IQGAP1: variants seen among roughly 807,000 people sequenced by gnomAD.
IQGAP1 encodes the protein ras GTPase-activating-like protein IQGAP1.
IQGAP1 carries 66 observed loss-of-function variants against 215.6 expected under a neutral mutation model. That is an observed-to-expected ratio of 0.31 (90% CI 0.25 to 0.38). The LOEUF is 0.38. Ranked by LOEUF, IQGAP1 falls within the 10% of genes least tolerant of loss-of-function variation. IQGAP1 has a pLI of 1.00. For synonymous variants in IQGAP1, 772 were observed against 728.7 expected (o/e 1.06, Z -0.96); for missense variants, 1,712 against 1,997.1 (o/e 0.86, Z 2.72).
At chr15:90,418,884 C>G (rs80156546) in intron 2 of IQGAP1, among the ~76,000 whole-genome samples, 69 of 151,746 alleles carry the variant, frequency 4.5e-4, no homozygotes, top group African/African-American at 1.6e-3. Context: ...TCGTGGCTCA[C>G]GCCTGTAATC....
intron 1 of IQGAP1, among the ~76,000 whole-genome samples, chr15:90,390,336 C>G (rs374271985): frequency 3.2e-4 from 48 of 152,190 alleles, no homozygotes; most frequent in African/African-American, 1.2e-3. Flanking sequence ...GAGTGATAAT[C>G]ACAGGATTGT....
At chr15:90,434,920 G>A (rs1184415553) in intron 5 of IQGAP1, among the ~76,000 whole-genome samples, 1 of 152,208 alleles carries the variant, frequency 6.6e-6, no homozygotes, top group Non-Finnish European at 1.5e-5. Context: ...TAAAGAAGAA[G>A]ATGGCAGAGC....
At chr15:90,396,900 T>G (rs1964728988) in intron 2 of IQGAP1, among the ~76,000 whole-genome samples, 1 of 152,052 alleles carries the variant, frequency 6.6e-6, no homozygotes, top group South Asian at 2.1e-4. Flanking sequence ...TTGCCCAGGC[T>G]GGAGTGCAGT....
chr15:90,464,968 CTT>C (rs1965810970), intron 15 of IQGAP1, among the ~76,000 whole-genome samples: 1 of 152,144 alleles, frequency 6.6e-6, no homozygotes, highest in Admixed American at 6.5e-5. Context: ...AGAAACTTGT[CTT>C]AACGAATTTA....
At chr15:90,465,960 T>G (rs2074583) in intron 15 of IQGAP1, 41 bp from the exon 16 acceptor site, 1 of 1,492,148 alleles carries the variant, frequency 6.7e-7, no homozygotes, top group African/African-American at 1.4e-5. Flanking sequence ...ACATGTACCC[T>G]GATTTCATGA....
At chr15:90,420,664 A>G (rs577645470) in intron 2 of IQGAP1, among the ~76,000 whole-genome samples, 1 of 152,286 alleles carries the variant, frequency 6.6e-6, no homozygotes, top group South Asian at 2.1e-4. Flanking sequence ...TATTGCTAGG[A>G]CAGGGTTAAA....
At chr15:90,442,505 T>G (rs1965465936) in intron 8 of IQGAP1, among the ~76,000 whole-genome samples, 1 of 152,194 alleles carries the variant, frequency 6.6e-6, no homozygotes, top group East Asian at 1.9e-4. Context: ...TAGTGGTTGA[T>G]GACAAAACGA....
At chr15:90,484,666 G>C (rs766392259) in intron 30 of IQGAP1, among the ~76,000 whole-genome samples, 67 of 152,122 alleles carry the variant, frequency 4.4e-4, no homozygotes, top group East Asian at 4.1e-3. Context: ...CCGCCACCGT[G>C]CCTGGCTAAA....
chr15:90,483,144 C>G (rs1213434343), intron 28 of IQGAP1: 1 of 501,528 alleles, frequency 2.0e-6, no homozygotes, highest in African/African-American at 1.9e-5. Flanking sequence ...CAGTTCTGTT[C>G]TCATTGTTTT....
intron 2 of IQGAP1, among the ~76,000 whole-genome samples, chr15:90,411,716 A>G (rs762096438): frequency 2.6e-5 from 4 of 152,202 alleles, no homozygotes; most frequent in Non-Finnish European, 5.9e-5. Context: ...GCTATCATCT[A>G]GATTTAACTC....
chr15:90,435,035 G>A (rs543151007), intron 5 of IQGAP1, among the ~76,000 whole-genome samples: 11 of 152,276 alleles, frequency 7.2e-5, no homozygotes, highest in Admixed American at 3.9e-4. Flanking sequence ...ATATAATACT[G>A]ATCTATAAGA....
intron 2 of IQGAP1, chr15:90,393,646 T>C (rs2601193): frequency 0.39 from 59,190 of 151,590 alleles, 13,402 homozygotes; most frequent in African/African-American, 0.61. Context: ...ATGACCTCAG[T>C]AGAATGTTAC....
At chr15:90,473,624 A>T in intron 19 of IQGAP1, 91 bp from the exon 20 acceptor site, 1 of 871,792 alleles carries the variant, frequency 1.1e-6, no homozygotes, top group Non-Finnish European at 1.8e-6. Flanking sequence ...ATGAAATTGC[A>T]CTTGGATCAT....
chr15:90,439,248 A>T, intron 5 of IQGAP1, 84 bp from the exon 6 acceptor site: 1 of 919,554 alleles, frequency 1.1e-6, no homozygotes, highest in Non-Finnish European at 1.8e-6. Context: ...CTTCTATTTT[A>T]TACTTCATGC....
intron 28 of IQGAP1, 28 bp from the exon 29 acceptor site, chr15:90,483,333 A>G: frequency 6.6e-7 from 1 of 1,520,602 alleles, no homozygotes; most frequent in Non-Finnish European, 9.1e-7. Context: ...GTCTTTTAAT[A>G]CCCATCTTTC....
intron 15 of IQGAP1, among the ~76,000 whole-genome samples, chr15:90,464,296 C>A (rs949674499): frequency 6.6e-6 from 1 of 152,104 alleles, no homozygotes; most frequent in African/African-American, 2.4e-5. Context: ...CAGTAATCTG[C>A]TGAATTGATG....
chr15:90,492,571 A>G lies in IQGAP1; in HGVS notation c.4488A>G (p.Arg1496=). 1 of 1,610,506 alleles carries G rather than the reference A, an allele frequency of 6.2e-7. No individual in the cohort carries two copies. Among genetic ancestry groups the G allele is most frequent in the Non-Finnish European group, 8.5e-7 (1 of 1,179,104 alleles). ...ARDIRNQRRY[R]QRRKAELVKL... The stretch of plus-strand genomic sequence containing the variant: ...ATATTCGGAATCAGCGGAGGTACCG[A>G]CAGAGGAGAAAGGCCGAACTAGTGA... Residue 1496 remains arginine (R), a synonymous_variant, in exon 35 of 38, where the codon CGA becomes CGG. Coordinates refer to ENST00000268182, the MANE Select transcript of IQGAP1 (RefSeq NM_003870.4).
chr15:90,449,997 TTGA>T (rs754689859), intron 11 of IQGAP1, among the ~76,000 whole-genome samples: 1 of 152,248 alleles, frequency 6.6e-6, no homozygotes, highest in Non-Finnish European at 1.5e-5. Context: ...TTATCTTTTG[TTGA>T]TGTTGGGAAC....
rs780602986 is a variant in IQGAP1, at chr15:90,433,752, C to A, written c.424C>A (p.Arg142=). The A allele has an allele frequency of 2.5e-6, 4 of 1,606,986 alleles. No homozygotes were observed. Among genetic ancestry groups the A allele is most frequent in the South Asian group, 1.1e-5 (1 of 90,202 alleles). The change falls in exon 5 of 38, where the codon CGA becomes AGA. Residue 142 remains arginine, a synonymous_variant. Transcript: ENST00000268182. ...FYPETTDIYD[R]KNMPRCIYCI... is the part of the protein sequence containing the mutation. ...CCCAGAAACTACAGATATCTATGAT[C>A]GAAAGAACATGCCAAGATGTATCTA...
Sources: allele counts gnomAD v4.1 joint callset (sites outside exome capture counted in the v4.1 genomes callset), GRCh38; gene constraint gnomAD v4.1.1; transcripts MANE v1.5; gene names NCBI Gene and HGNC (gene_info 2026-07-23, HGNC 2026-07-21).